Variants in TENM3 observed in about 807,000 individuals in gnomAD.
TENM3 encodes teneurin transmembrane protein 3, also known as teneurin-3.
A neutral mutation model predicts 255.1 loss-of-function variants in TENM3; 63 were observed. The observed-to-expected ratio is 0.25, with a 90% CI of 0.20 to 0.30. The LOEUF (loss-of-function observed/expected upper bound fraction) is 0.30. Ranked by LOEUF, TENM3 falls within the 10% of genes least tolerant of loss-of-function variation. The probability of loss-of-function intolerance (pLI) is 1.00; values close to 1 mark genes in which losing one functional copy is unlikely to be tolerated. For synonymous variants in TENM3, 1,306 were observed against 1,322.3 expected, an observed-to-expected ratio of 0.99 and a Z score of 0.27; for missense variants, 2,929 against 3,461.1, an observed-to-expected ratio of 0.85 and a Z score of 3.86.
At chr4:182,483,510 T>C (rs1734398701) in intron 3 of TENM3, among the ~76,000 whole-genome samples, 2 of 152,182 alleles carry the variant, frequency 1.3e-5, no homozygotes, top group African/African-American at 4.8e-5. Context: ...CCATTGTTTC[T>C]AGAAATTAGA....
At chr4:181,647,723 A>T in the TENM3 span, among the ~76,000 whole-genome samples, 22 of 152,152 alleles carry the variant, frequency 1.4e-4, no homozygotes, top group Non-Finnish European at 7.3e-5. Flanking sequence ...ACGTCGTGGG[A>T]TGTGCTGTGG....
chr4:182,237,454 C>T (rs999340530), intron 1 of TENM3, among the ~76,000 whole-genome samples: 3 of 151,234 alleles, frequency 2.0e-5, no homozygotes, highest in African/African-American at 7.3e-5. Context: ...TAACTTCTGC[C>T]TCCTGGGTTC....
chr4:181,832,543 G>C, the TENM3 span, among the ~76,000 whole-genome samples: 1 of 152,166 alleles, frequency 6.6e-6, no homozygotes, highest in African/African-American at 2.4e-5. Flanking sequence ...CCAGCAGCTG[G>C]CTATTTCCAG....
the TENM3 span, among the ~76,000 whole-genome samples, chr4:181,696,889 G>A: frequency 1.3e-5 from 2 of 152,116 alleles, no homozygotes; most frequent in Non-Finnish European, 2.9e-5. Flanking sequence ...AAGGGTGTGC[G>A]TCAGAGCACG....
the TENM3 span, among the ~76,000 whole-genome samples, chr4:181,493,975 G>C: frequency 2.4e-4 from 36 of 152,102 alleles, 1 homozygote; most frequent in East Asian, 6.8e-3. Context: ...ATCATATAGG[G>C]CTAGGCAGTA....
At chr4:181,695,287 T>C in the TENM3 span, among the ~76,000 whole-genome samples, 3 of 152,140 alleles carry the variant, frequency 2.0e-5, 1 homozygote, top group South Asian at 6.2e-4. Context: ...TGTGGAATAA[T>C]CCAGAATTTA....
At chr4:181,938,917 A>G in the TENM3 span, among the ~76,000 whole-genome samples, 1 of 152,250 alleles carries the variant, frequency 6.6e-6, no homozygotes, top group Admixed American at 6.5e-5. Context: ...CTACTGCAAT[A>G]TAAAACATAA....
intron 3 of TENM3, among the ~76,000 whole-genome samples, chr4:182,507,402 A>G (rs534372325): frequency 6.6e-6 from 1 of 152,294 alleles, no homozygotes. Context: ...CTCATTGCCA[A>G]GTGTCTTTAA....
At position 182,282,892 on chromosome 4, in the gene TENM3, CAG is replaced by C. The variant is rs1491515561; in HGVS notation, c.-76+39418_-76+39419del. Among the ~76,000 whole-genome samples, 228 of 89,370 alleles carry C rather than the reference CAG, an allele frequency of 2.6e-3. 3 individuals are homozygous for C. The highest frequency in any genetic ancestry group is 0.01 in the African/African-American group (212 of 20,264). The allele number at this position is 89,370 out of a possible 152,430, so 58.6% of individuals were successfully genotyped here. A position where few individuals can be genotyped will look rare whatever the true frequency, so the allele number is the denominator to read the frequency against. ...TGGGTGGCAGAGTGAGACTCCATTT[CAG>C]AAAAAAAAAAAAAAAAAAAAAATTT... On this transcript the variant is annotated intron_variant, in intron 1 of 27. Coordinates refer to ENST00000511685, the MANE Select transcript of TENM3 (RefSeq NM_001080477.4).
intron 3 of TENM3, among the ~76,000 whole-genome samples, chr4:182,361,834 C>G (rs1457528295): frequency 6.6e-6 from 1 of 152,012 alleles, no homozygotes; most frequent in Non-Finnish European, 1.5e-5. Flanking sequence ...TGTTTTTTCC[C>G]CGTCTTTGTG....
the TENM3 span, among the ~76,000 whole-genome samples, chr4:181,916,429 C>T: frequency 6.6e-6 from 1 of 152,088 alleles, no homozygotes; most frequent in Admixed American, 6.6e-5. Flanking sequence ...AAGAGTAATA[C>T]ATAAATCAGC....
the TENM3 span, among the ~76,000 whole-genome samples, chr4:181,557,591 A>G: frequency 6.6e-6 from 1 of 152,164 alleles, no homozygotes; most frequent in South Asian, 2.1e-4. Flanking sequence ...CAGTGACGCA[A>G]TCACAGCTCA....
At chr4:182,049,768 G>T in the TENM3 span, among the ~76,000 whole-genome samples, 1 of 152,128 alleles carries the variant, frequency 6.6e-6, no homozygotes, top group Non-Finnish European at 1.5e-5. Flanking sequence ...AGCTTAAATG[G>T]CGTTTATTTA....
chr4:182,138,697 A>G, the TENM3 span, among the ~76,000 whole-genome samples: 1 of 152,364 alleles, frequency 6.6e-6, no homozygotes, highest in Admixed American at 6.5e-5. Flanking sequence ...AAACATGAGT[A>G]TCTACATGTT....
intron 1 of TENM3, among the ~76,000 whole-genome samples, chr4:182,213,840 C>T (rs559776413): frequency 1.1e-4 from 16 of 152,208 alleles, no homozygotes; most frequent in African/African-American, 3.6e-4. Flanking sequence ...CTCCCTCTGT[C>T]GCCCAGGCTG....
chr4:182,575,494 C>T (rs1004820633), intron 3 of TENM3, among the ~76,000 whole-genome samples: 25 of 152,198 alleles, frequency 1.6e-4, no homozygotes, highest in African/African-American at 5.8e-4. Flanking sequence ...TGGCAGCAGA[C>T]GATAGTTTGC....
chr4:181,690,786 A>G, the TENM3 span, among the ~76,000 whole-genome samples: 9 of 152,206 alleles, frequency 5.9e-5, no homozygotes, highest in African/African-American at 2.2e-4. Flanking sequence ...TTGTGGATTG[A>G]CAGTTATAGG....
chr4:182,389,306 C>G (rs1299052580), intron 3 of TENM3, among the ~76,000 whole-genome samples: 1 of 151,214 alleles, frequency 6.6e-6, no homozygotes, highest in African/African-American at 2.4e-5. Context: ...AGAAAGTACA[C>G]ATTGATACAA....
chr4:182,549,946 A>G (rs147134255), intron 3 of TENM3, among the ~76,000 whole-genome samples: 50 of 152,324 alleles, frequency 3.3e-4, no homozygotes, highest in African/African-American at 1.0e-3. Context: ...AGAAATTGCA[A>G]TTGGTTTTTT....
Sources: gnomAD v4.1 joint callset for allele counts (sites outside exome capture counted in the v4.1 genomes callset) on GRCh38, gnomAD v4.1.1 for gene constraint, MANE v1.5 for transcripts, NCBI Gene and HGNC (gene_info 2026-07-23, HGNC 2026-07-21) for gene names.